BICD2: variants seen among roughly 807,000 people sequenced by gnomAD.
The protein encoded by BICD2 is protein bicaudal D homolog 2.
BICD2 carries 25 observed loss-of-function variants against 72.9 expected under a neutral mutation model. That is an observed-to-expected ratio of 0.34 (90% CI 0.25 to 0.48). The LOEUF is 0.48. Ranked by LOEUF, BICD2 falls within the 20% of genes least tolerant of loss-of-function variation. The pLI is 0.99. For missense variants in BICD2, 894 were observed against 1,175.2 expected, an observed-to-expected ratio of 0.76 and a Z score of 3.50; for synonymous variants, 501 against 516.1, an observed-to-expected ratio of 0.97 and a Z score of 0.40.
chr9:92,743,470 T>A (rs1853940196), intron 1 of BICD2, among the ~76,000 whole-genome samples: 1 of 151,596 alleles, frequency 6.6e-6, no homozygotes, highest in South Asian at 2.1e-4. Context: ...GCTGGGATTA[T>A]ACGCACAAGA....
rs545512590 is a variant in BICD2, at chr9:92,764,673, G to C, written c.72C>G (p.Ala24=). The change falls in exon 1 of 7, where the codon GCC becomes GCG. Residue 24 remains alanine, a synonymous_variant. Coordinates refer to ENST00000356884, the MANE Select transcript of BICD2 (RefSeq NM_001003800.2). The surrounding 1 kb of genome is among the most constrained non-coding windows in gnomAD (Gnocchi z 5.5). Reference sequence around the variant, plus strand: ...GCTCGTGGGACAGCCGCTTCACCTCGGCGCGCAGCCACTCCGGCTGCGCCT... The same window carrying C: ...GCTCGTGGGACAGCCGCTTCACCTCCGCGCGCAGCCACTCCGGCTGCGCCT... ...VMEAQPEWLR[A]EVKRLSHELA... The C allele has an allele frequency of 9.9e-4, 1,571 of 1,590,136 alleles. 3 individuals are homozygous for C. The highest frequency in any genetic ancestry group is 1.1e-3 in the Non-Finnish European group (1,344 of 1,172,058).
chr9:92,738,398 A>ACAT (rs1853831419), intron 1 of BICD2, among the ~76,000 whole-genome samples: 1 of 152,108 alleles, frequency 6.6e-6, no homozygotes, highest in Non-Finnish European at 1.5e-5. Context: ...AAGTGGCCTC[A>ACAT]CTGTCCTTCT....
At chr9:92,751,805 C>T (rs1273440333) in intron 1 of BICD2, among the ~76,000 whole-genome samples, 5 of 134,684 alleles carry the variant, frequency 3.7e-5, no homozygotes, top group African/African-American at 7.8e-5. Context: ...ACACTAACTG[C>T]ATTTTTTTTT....
In BICD2 at chr9:92,720,412, G is replaced by A. The variant is rs1345664005; in HGVS notation, c.950C>T (p.Thr317Ile). The A allele has an allele frequency of 6.2e-7, 1 of 1,614,194 alleles. No homozygotes were observed. The highest frequency in any genetic ancestry group is 8.5e-7 in the Non-Finnish European group (1 of 1,180,046). ...GLAKLPLDNKTSTPKKEGLAP... is the reference protein window; with the variant it reads ...GLAKLPLDNKISTPKKEGLAP... ...GAGGCCCTCCTTCTTGGGCGTGGAG[G>A]TCTTGTTGTCCAGTGGCAGCTTGGC... Residue 317 changes from threonine (T) to isoleucine (I), a missense_variant, in exon 4 of 7, where the codon ACC becomes ATC. Physicochemically the swap from Thr to Ile is moderately conservative, Grantham distance 89. This residue lies in a region of BICD2 where 371 missense variants were observed against 439.1 expected (regional missense o/e 0.84). Coordinates refer to ENST00000356884, the MANE Select transcript of BICD2 (RefSeq NM_001003800.2). This position sits in a 1 kb window ranked among gnomAD's most constrained non-coding sequence, Gnocchi z 5.4.
At position 92,720,629 on chromosome 9, in the gene BICD2, C is replaced by T. The variant is rs371897802; in HGVS notation, c.733G>A (p.Glu245Lys). 1.1e-5 allele frequency: 17 copies of T among 1,614,058 alleles called. No individual in the cohort carries two copies. The highest frequency in any genetic ancestry group is 1.4e-5 in the Non-Finnish European group (16 of 1,180,040). ...ISERQLEEALETLKTEREQKN... is the reference protein window; with the variant it reads ...ISERQLEEALKTLKTEREQKN... ...TGTTCGCGCTCCGTCTTCAGGGTCTCCAGCGCCTCCTCCAGCTGCCGCTCT... is the reference window on the plus strand; with the variant it reads ...TGTTCGCGCTCCGTCTTCAGGGTCTTCAGCGCCTCCTCCAGCTGCCGCTCT... Residue 245 changes from glutamate to lysine, a missense_variant, in exon 4 of 7, where the codon GAG (glutamate) becomes AAG (lysine). Physicochemically the swap from Glu to Lys is moderately conservative, Grantham distance 56. Transcript: ENST00000356884. This position sits in a 1 kb window ranked among gnomAD's most constrained non-coding sequence, Gnocchi z 5.4.
In BICD2 at chr9:92,720,878, A is replaced by C; in HGVS notation, c.607-123T>G. The C allele has an allele frequency of 9.6e-7, 1 of 1,045,570 alleles. No homozygotes were observed. Among genetic ancestry groups the C allele is most frequent in the Non-Finnish European group, 1.4e-6 (1 of 737,176 alleles). 64.8% of individuals were successfully genotyped at this position (1,045,570 alleles called of 1,614,324 possible). On this transcript the variant is annotated intron_variant, in intron 3 of 6. Coordinates refer to ENST00000356884, the MANE Select transcript of BICD2 (RefSeq NM_001003800.2). This position sits in a 1 kb window ranked among gnomAD's most constrained non-coding sequence, Gnocchi z 5.4. ...ACTATGAAGCAAAAGATGAAGCGCC[A>C]GGTGAGGTGCCATCCTGGGAAGGGT...
Position 92,764,081 on chromosome 9 carries a change from C to T in BICD2, c.240+424G>A, listed in dbSNP as rs1854429805. Among the ~76,000 whole-genome samples, 1 of 152,218 alleles carries T rather than the reference C, an allele frequency of 6.6e-6. No homozygotes were observed. Among genetic ancestry groups the T allele is most frequent in the African/African-American group, 2.4e-5 (1 of 41,460 alleles). ...GAGCCGCAGCCACCCAGACCCAGGC[C>T]CACCCTCGGCCTCTCCCAGCGGGTC... On this transcript the variant is annotated intron_variant, in intron 1 of 6. Coordinates refer to ENST00000356884, the MANE Select transcript of BICD2 (RefSeq NM_001003800.2). The surrounding 1 kb of genome is among the most constrained non-coding windows in gnomAD (Gnocchi z 5.5).
At chr9:92,740,045 C>T (rs1282008443) in intron 1 of BICD2, among the ~76,000 whole-genome samples, 1 of 152,176 alleles carries the variant, frequency 6.6e-6, no homozygotes, top group East Asian at 1.9e-4. Context: ...TGACATTAAA[C>T]TCACTCATAG....
Position 92,719,271 on chromosome 9 carries a change from G to A in BICD2, c.1374C>T (p.Ser458=). The A allele has an allele frequency of 6.2e-7, 1 of 1,613,712 alleles. No homozygotes were observed. The highest frequency in any genetic ancestry group is 8.5e-7 in the Non-Finnish European group (1 of 1,180,028). Residue 458 remains serine, a synonymous_variant, in exon 5 of 7, where the codon AGC becomes AGT. Transcript: ENST00000356884. The stretch of plus-strand genomic sequence containing the variant: ...GCTGGGCCTCACGAGCCTCGTGCGT[G>A]CTGCGCAGTGCCTTGAGCTGCTCGC... The part of the protein sequence containing the change: ...ELREQLKALR[S]THEAREAQHA...
rs774663157 is a variant in BICD2, at chr9:92,719,388, A to G, written c.1257T>C (p.His419=). The stretch of plus-strand genomic sequence containing the variant: ...CCACCTCGTAGTAGTCCCCATCCTC[A>G]TGGCTGTCACGGTCCTTCTCGTTGT... ...ALDNEKDRDS[H]EDGDYYEVDI... Residue 419 remains histidine, a synonymous_variant, in exon 5 of 7, where the codon CAT becomes CAC. Transcript: ENST00000356884. 3.1e-6 allele frequency: 5 copies of G among 1,614,026 alleles called. No homozygotes were observed. Among genetic ancestry groups the G allele is most frequent in the Non-Finnish European group, 4.2e-6 (5 of 1,179,984 alleles).
intron 5 of BICD2, among the ~76,000 whole-genome samples, 162 bp downstream of exon 5, chr9:92,718,377 T>C (rs765140981): frequency 2.0e-5 from 3 of 152,130 alleles, no homozygotes; most frequent in Non-Finnish European, 4.4e-5. Flanking sequence ...CTGGGGGCCC[T>C]GAGCAGGGGA....
rs1436711519 is a variant in BICD2, at chr9:92,735,646, CGGGGCAGGGA to C, written c.241-6420_241-6411del. ...ACGAAATGGGGAGTTGAGGGCAAGT[CGGGGCAGGGA>C]GGGGCAGGCCTGGGGGCCTGTGAAG... On this transcript the variant is annotated intron_variant, in intron 1 of 6. Transcript: ENST00000356884. 1.4e-4 allele frequency among the ~76,000 whole-genome samples: 21 copies of C among 151,602 alleles called. No individual in the cohort carries two copies. The South Asian group carries it at 4.0e-3, about 29-fold the overall frequency.
chr9:92,753,625 G>A lies in BICD2; in HGVS notation c.240+10880C>T, dbSNP rs1210438130. Among the ~76,000 whole-genome samples, 4 of 151,918 alleles carry A rather than the reference G, an allele frequency of 2.6e-5. No individual in the cohort carries two copies. In the South Asian group the frequency reaches 6.2e-4, roughly 24 times the overall value. On this transcript the variant is annotated intron_variant, in intron 1 of 6. Transcript: ENST00000356884. Reference sequence around the variant, plus strand: ...GCAATCTCAGCTCACCACAAGCTCCGCCTTCCGGGTTCACATCATTCTCCT... The same window carrying A: ...GCAATCTCAGCTCACCACAAGCTCCACCTTCCGGGTTCACATCATTCTCCT...
At position 92,713,504 on chromosome 9, in the gene BICD2, T is replaced by C. The variant is rs887292445; in HGVS notation, c.*1650A>G. ...GAGAGCGTTAGAAAGCGGTCATCTG[T>C]CGCTTCCTGTTTATCTGACAATTGA... On this transcript the variant is annotated 3_prime_UTR_variant, in exon 7 of 7. Coordinates refer to ENST00000356884, the MANE Select transcript of BICD2 (RefSeq NM_001003800.2). 3.2e-6 allele frequency: 5 copies of C among 1,574,150 alleles called. No individual in the cohort carries two copies. Among genetic ancestry groups the C allele is most frequent in the Non-Finnish European group, 4.3e-6 (5 of 1,158,376 alleles).
At chr9:92,716,166 C>G (rs1853308561) in intron 6 of BICD2, among the ~76,000 whole-genome samples, 1 of 152,100 alleles carries the variant, frequency 6.6e-6, no homozygotes, top group African/African-American at 2.4e-5. Flanking sequence ...AGCACAGCCC[C>G]ACCCTGCCCA....
chr9:92,754,876 G>T (rs542897351), intron 1 of BICD2, among the ~76,000 whole-genome samples: 1 of 152,196 alleles, frequency 6.6e-6, no homozygotes, highest in African/African-American at 2.4e-5. Flanking sequence ...TGCATTAACT[G>T]CACAAATTGT....
At chr9:92,757,942 G>A (rs1469815019) in intron 1 of BICD2, among the ~76,000 whole-genome samples, 3 of 152,146 alleles carry the variant, frequency 2.0e-5, no homozygotes, top group Non-Finnish European at 2.9e-5. Context: ...GGTGGCTCAC[G>A]CCTGTAATCC....
chr9:92,736,188 A>G (rs1853784108), intron 1 of BICD2, among the ~76,000 whole-genome samples: 1 of 152,244 alleles, frequency 6.6e-6, no homozygotes, highest in Non-Finnish European at 1.5e-5. Flanking sequence ...CTGATAAAAC[A>G]CTAACTGCTG....
intron 1 of BICD2, among the ~76,000 whole-genome samples, chr9:92,749,827 A>G (rs1854111892): frequency 6.6e-6 from 1 of 152,210 alleles, no homozygotes; most frequent in Admixed American, 6.5e-5. Context: ...CTGCCCTGAC[A>G]CAAATCTCCA....
Sources: allele counts gnomAD v4.1 joint callset (sites outside exome capture counted in the v4.1 genomes callset), GRCh38; gene constraint gnomAD v4.1.1; regional missense constraint gnomAD v4.1.1; non-coding constraint Gnocchi (gnomAD v3.1); transcripts MANE v1.5; gene names NCBI Gene and HGNC (gene_info 2026-07-23, HGNC 2026-07-21).